CDON: variants seen among roughly 807,000 people sequenced by gnomAD.
CDON encodes cell adhesion associated, oncogene regulated, also known as cell adhesion molecule-related/down-regulated by oncogenes.
A neutral mutation model predicts 120.9 loss-of-function variants in CDON; 73 were observed. That is an observed-to-expected ratio of 0.60 (90% CI 0.50 to 0.73). The LOEUF (loss-of-function observed/expected upper bound fraction) is 0.73. CDON is among the 30% of genes least tolerant of loss of function. CDON has a pLI of 0.00. For synonymous variants in CDON, 566 were observed against 573.5 expected (o/e 0.99, Z 0.19); for missense variants, 1,470 against 1,587.3 (o/e 0.93, Z 1.26).
chr11:125,971,338 G>A (rs886694653), intron 18 of CDON, among the ~76,000 whole-genome samples: 32 of 151,816 alleles, frequency 2.1e-4, no homozygotes, highest in East Asian at 5.8e-4. Flanking sequence ...AGCCGAGATC[G>A]CACCACTGCA....
chr11:126,017,782 CTT>C (rs904254176), intron 5 of CDON, among the ~76,000 whole-genome samples: 11 of 150,970 alleles, frequency 7.3e-5, no homozygotes, highest in African/African-American at 2.7e-4. Flanking sequence ...TCTATTTCTT[CTT>C]GTTTGAACAA....
chr11:126,010,941 A>G, intron 7 of CDON: 1 of 548,422 alleles, frequency 1.8e-6, no homozygotes, highest in South Asian at 1.5e-5. Flanking sequence ...AGGAATATAT[A>G]TAAAGAAATC....
rs113921147 is a variant in CDON, at chr11:125,983,944, C to T, written c.2923G>A (p.Val975Ile). 6.1e-4 allele frequency: 987 copies of T among 1,614,118 alleles called. 7 individuals carry two copies. The African/African-American group carries it at 9.8e-3, about 16-fold the overall frequency. ...LYLIVGCVLGVMVLILMVFIA... is the reference protein window; with the variant it reads ...LYLIVGCVLGIMVLILMVFIA... ...AAAACCATCAGAATGAGGACCATGACGCCCAGCACACAGCCAACGATCAGA... is the reference window on the plus strand; with the variant it reads ...AAAACCATCAGAATGAGGACCATGATGCCCAGCACACAGCCAACGATCAGA... Residue 975 changes from valine (V) to isoleucine (I), a missense_variant, in exon 16 of 20, where the codon GTC (valine) becomes ATC (isoleucine). By Grantham distance (29) the Val-to-Ile change is conservative. Coordinates refer to ENST00000531738, the MANE Select transcript of CDON (RefSeq NM_001378964.1).
chr11:126,015,318 T>C lies in CDON; in HGVS notation c.1121A>G (p.Asp374Gly). The C allele has an allele frequency of 6.2e-7, 1 of 1,614,104 alleles. No individual in the cohort carries two copies. Among genetic ancestry groups the C allele is most frequent in the Non-Finnish European group, 8.5e-7 (1 of 1,179,966 alleles). The change falls in exon 7 of 20, where the codon GAT becomes GGT. Residue 374 changes from aspartate (D) to glycine (G), a missense_variant. By Grantham distance (94) the Asp-to-Gly change is moderately conservative (BLOSUM62 -1). Coordinates refer to ENST00000531738, the MANE Select transcript of CDON (RefSeq NM_001378964.1). ...TGCTACACACTGATACATCCCAACA[T>C]CTTCCACAGTAACCCCACTGATTTT... The part of the protein sequence containing the change: ...GLKISGVTVE[D>G]VGMYQCVADN...
Position 126,034,297 on chromosome 11 carries a change from T to C in CDON, c.-61-10760A>G, listed in dbSNP as rs1428846450. Among the ~76,000 whole-genome samples, 3 of 152,256 alleles carry C rather than the reference T, an allele frequency of 2.0e-5. No individual in the cohort carries two copies. The highest frequency in any genetic ancestry group is 3.9e-4 in the East Asian group (2 of 5,174). On this transcript the variant is annotated intron_variant, in intron 1 of 19. Coordinates refer to ENST00000531738, the MANE Select transcript of CDON (RefSeq NM_001378964.1). This position sits in a 1 kb window ranked among gnomAD's most constrained non-coding sequence, Gnocchi z 4.5. ...AGAAAATGGAAGTGACTTGGAGTTA[T>C]GGCACCAAAAAGGCCAAATGAGCAA...
intron 14 of CDON, among the ~76,000 whole-genome samples, chr11:125,992,949 A>C (rs1946671423): frequency 6.6e-6 from 1 of 152,218 alleles, no homozygotes; most frequent in African/African-American, 2.4e-5. Context: ...AATCCCTTCC[A>C]AGATGTCACT....
At chr11:126,043,916 G>T (rs1399116436) in intron 1 of CDON, among the ~76,000 whole-genome samples, 1 of 152,190 alleles carries the variant, frequency 6.6e-6, no homozygotes, top group African/African-American at 2.4e-5. Flanking sequence ...AAATTATGGT[G>T]ATAATTTGAT....
intron 18 of CDON, among the ~76,000 whole-genome samples, chr11:125,970,723 G>A (rs866501958): frequency 6.6e-6 from 1 of 152,166 alleles, no homozygotes; most frequent in South Asian, 2.1e-4. Flanking sequence ...AAACATGACA[G>A]TAAATGTTGA....
At chr11:126,040,450 C>T (rs922184512) in intron 1 of CDON, among the ~76,000 whole-genome samples, 1 of 152,198 alleles carries the variant, frequency 6.6e-6, no homozygotes, top group South Asian at 2.1e-4. Flanking sequence ...TATGAAGTTA[C>T]TTAACAACCA....
At chr11:125,971,567 T>C (rs1025717540) in intron 18 of CDON, among the ~76,000 whole-genome samples, 2 of 152,206 alleles carry the variant, frequency 1.3e-5, no homozygotes, top group Non-Finnish European at 2.9e-5. Context: ...AAGTCATTTG[T>C]AGTATCTCTG....
chr11:125,977,587 T>A (rs1344708356), intron 18 of CDON, among the ~76,000 whole-genome samples: 1 of 152,150 alleles, frequency 6.6e-6, no homozygotes, highest in Non-Finnish European at 1.5e-5. Context: ...TTCAATAACA[T>A]CATTATGTAA....
At chr11:125,966,265 A>C (rs1945798036) in intron 18 of CDON, among the ~76,000 whole-genome samples, 1 of 152,252 alleles carries the variant, frequency 6.6e-6, no homozygotes, top group Non-Finnish European at 1.5e-5. Flanking sequence ...TCAATAAAGT[A>C]GATGACAAGA....
At chr11:125,993,203 TC>T (rs965475326) in intron 14 of CDON, among the ~76,000 whole-genome samples, 12 of 152,312 alleles carry the variant, frequency 7.9e-5, no homozygotes, top group African/African-American at 2.9e-4. Context: ...ATTCCCTTGT[TC>T]TTTGTGGACT....
chr11:126,012,871 T>C (rs1947348050), intron 7 of CDON, among the ~76,000 whole-genome samples: 1 of 152,208 alleles, frequency 6.6e-6, no homozygotes, highest in Non-Finnish European at 1.5e-5. Context: ...AAATTAACAA[T>C]GATCTGGGTT....
chr11:126,020,366 A>G (rs1352612267), intron 3 of CDON, among the ~76,000 whole-genome samples: 2 of 152,246 alleles, frequency 1.3e-5, no homozygotes, highest in Non-Finnish European at 2.9e-5. Context: ...GGATATCATT[A>G]TTTAGATTAT....
chr11:126,028,996 T>C lies in CDON; in HGVS notation c.-61-5459A>G, dbSNP rs183820368. 2.1e-3 allele frequency among the ~76,000 whole-genome samples: 324 copies of C among 152,198 alleles called. 4 individuals carry two copies. The highest frequency in any genetic ancestry group is 9.3e-4 in the Non-Finnish European group (63 of 68,004). The stretch of plus-strand genomic sequence containing the variant: ...ACATTTTCAAGACTCTTAATACATA[T>C]TGTCAAGTCGTGTTCCAAAAAGAGG... On this transcript the variant is annotated intron_variant, in intron 1 of 19. Transcript: ENST00000531738.
chr11:125,981,385 T>C (rs1467386808), intron 16 of CDON, 56 bp from the exon 17 acceptor site: 15 of 1,552,582 alleles, frequency 9.7e-6, no homozygotes, highest in Non-Finnish European at 1.2e-5. Context: ...CACGCACACA[T>C]GCACATACGC....
intron 8 of CDON, among the ~76,000 whole-genome samples, chr11:126,008,445 T>C (rs1465160664): frequency 6.6e-6 from 1 of 152,172 alleles, no homozygotes; most frequent in African/African-American, 2.4e-5. Flanking sequence ...ATACAGCTGA[T>C]GGGGTTACCA....
intron 18 of CDON, among the ~76,000 whole-genome samples, chr11:125,972,452 A>C (rs1367097631): frequency 6.6e-6 from 1 of 151,976 alleles, no homozygotes; most frequent in African/African-American, 2.4e-5. Flanking sequence ...AAATCAAAAG[A>C]AACTAAAAAG....
Sources: gnomAD v4.1 joint callset for allele counts (sites outside exome capture counted in the v4.1 genomes callset) on GRCh38, gnomAD v4.1.1 for gene constraint, Gnocchi (gnomAD v3.1) non-coding constraint, MANE v1.5 for transcripts, NCBI Gene and HGNC (gene_info 2026-07-23, HGNC 2026-07-21) for gene names.